The following NREP variants were observed in gnomAD, a reference collection of about 807,000 sequenced individuals.
NREP encodes neuronal regeneration-related protein.
NREP carries 5 observed loss-of-function variants against 8.6 expected under a neutral mutation model. That is an observed-to-expected ratio of 0.58 (90% CI 0.30 to 1.22). NREP has a LOEUF of 1.22. Among genes scored for constraint, NREP ranks in the 50% most tolerant of loss-of-function variants. NREP has a pLI of 0.07. For synonymous variants in NREP, 27 were observed against 28.0 expected, an observed-to-expected ratio of 0.96 and a Z score of 0.11; for missense variants, 86 against 82.5, an observed-to-expected ratio of 1.04 and a Z score of -0.17.
intron 3 of NREP, chr5:111,731,711 AGACT>A (rs1325128283): frequency 1.3e-5 from 2 of 152,284 alleles, no homozygotes; most frequent in African/African-American, 4.8e-5. Context: ...CAGCTCATCT[AGACT>A]GACTGGGGCT....
At chr5:111,848,974 G>A (rs1453015400) in intron 2 of NREP, among the ~76,000 whole-genome samples, 1 of 152,002 alleles carries the variant, frequency 6.6e-6, no homozygotes, top group Non-Finnish European at 1.5e-5. Context: ...AATAGTTTTG[G>A]ATCTCATACT....
intron 2 of NREP, among the ~76,000 whole-genome samples, chr5:111,814,522 G>GGTCTAC (rs1177406274): frequency 4.6e-5 from 7 of 152,112 alleles, no homozygotes; most frequent in African/African-American, 1.2e-4. Flanking sequence ...TTGAGAAACA[G>GGTCTAC]TAGGATTAAA....
At chr5:111,816,506 A>G (rs1752388563) in intron 2 of NREP, among the ~76,000 whole-genome samples, 1 of 152,136 alleles carries the variant, frequency 6.6e-6, no homozygotes, top group Non-Finnish European at 1.5e-5. Flanking sequence ...TTATTGTCTG[A>G]GAAGTACTAA....
At chr5:111,748,887 G>A (rs1347898253) in intron 2 of NREP, among the ~76,000 whole-genome samples, 2 of 152,108 alleles carry the variant, frequency 1.3e-5, no homozygotes, top group African/African-American at 2.4e-5. Context: ...AAATAAGCCA[G>A]CCGCAAGAAG....
In NREP at chr5:111,861,367, G is replaced by T. The variant is rs4957622; in HGVS notation, c.135+113907C>A. On this transcript the variant is annotated intron_variant, in intron 2 of 3. Coordinates refer to the NREP transcript ENST00000395634. ...TAGTGACTCTGGTGGCTACTGATAC[G>T]CCAGGGAAAAGAAGGTGCTAAAGGC... Among the ~76,000 whole-genome samples, 1,101 of 152,234 alleles carry T rather than the reference G, an allele frequency of 7.2e-3. 10 individuals are homozygous for T. The highest frequency in any genetic ancestry group is 9.7e-3 in the Admixed American group (149 of 15,286).
intron 2 of NREP, among the ~76,000 whole-genome samples, chr5:111,958,016 T>C (rs1333727516): frequency 6.6e-6 from 1 of 151,898 alleles, no homozygotes; most frequent in Non-Finnish European, 1.5e-5. Flanking sequence ...AAGGAGAACA[T>C]GCTAAAGTGA....
intron 2 of NREP, among the ~76,000 whole-genome samples, chr5:111,813,451 A>C (rs1752313964): frequency 1.3e-5 from 2 of 152,202 alleles, no homozygotes; most frequent in Non-Finnish European, 2.9e-5. Context: ...TTATATTCTA[A>C]CCTGTCTTAT....
intron 2 of NREP, among the ~76,000 whole-genome samples, chr5:111,894,979 A>G (rs983628396): frequency 1.3e-5 from 2 of 152,244 alleles, no homozygotes; most frequent in African/African-American, 2.4e-5. Context: ...CTGTTTAGAG[A>G]GCTCTTAGAA....
At chr5:111,750,155 G>A (rs1750264093) in intron 2 of NREP, among the ~76,000 whole-genome samples, 1 of 152,064 alleles carries the variant, frequency 6.6e-6, no homozygotes, top group African/African-American at 2.4e-5. Flanking sequence ...TAAACAAGGA[G>A]GAAGATCTCC....
chr5:111,927,697 T>A (rs990960038), intron 2 of NREP, among the ~76,000 whole-genome samples: 1 of 152,206 alleles, frequency 6.6e-6, no homozygotes, highest in Non-Finnish European at 1.5e-5. Flanking sequence ...TGTAGGTTCA[T>A]AAGCTCTAAT....
At chr5:111,840,379 T>G (rs1753000719) in intron 2 of NREP, among the ~76,000 whole-genome samples, 1 of 152,112 alleles carries the variant, frequency 6.6e-6, no homozygotes, top group Non-Finnish European at 1.5e-5. Context: ...GTATGTAAAT[T>G]TAAGGACTAC....
At chr5:111,851,011 G>A (rs1483331359) in intron 2 of NREP, among the ~76,000 whole-genome samples, 1 of 152,080 alleles carries the variant, frequency 6.6e-6, no homozygotes, top group East Asian at 1.9e-4. Context: ...GTTATTGTTA[G>A]GCTCAAATAA....
intron 2 of NREP, among the ~76,000 whole-genome samples, chr5:111,736,723 C>T (rs1430724195): frequency 6.6e-6 from 1 of 152,176 alleles, no homozygotes; most frequent in African/African-American, 2.4e-5. Flanking sequence ...TGTAGCACAT[C>T]CTAGCTTACA....
At chr5:111,926,146 A>G (rs964666306) in intron 2 of NREP, among the ~76,000 whole-genome samples, 68 of 152,124 alleles carry the variant, frequency 4.5e-4, no homozygotes, top group African/African-American at 1.5e-3. Flanking sequence ...TTCAATGAGA[A>G]GGGAACCTGA....
intron 2 of NREP, among the ~76,000 whole-genome samples, chr5:111,957,731 G>A (rs529266681): frequency 1.7e-3 from 253 of 151,626 alleles, no homozygotes; most frequent in Middle Eastern, 0.01. Context: ...ATATATATCT[G>A]TAATTTTATA....
chr5:111,874,197 C>CAT (rs113364175), intron 2 of NREP, among the ~76,000 whole-genome samples: 21,864 of 151,962 alleles, frequency 0.14, 3,044 homozygotes, highest in African/African-American at 0.36. Context: ...AAATATAAGA[C>CAT]GTGTTTTAAA....
At chr5:111,774,880 T>C (rs969255233) in intron 2 of NREP, among the ~76,000 whole-genome samples, 44 of 152,120 alleles carry the variant, frequency 2.9e-4, no homozygotes, top group African/African-American at 9.9e-4. Flanking sequence ...AAAGTATGGG[T>C]GTTGTCTTTA....
intron 2 of NREP, among the ~76,000 whole-genome samples, chr5:111,886,284 AC>A (rs1427388165): frequency 2.0e-5 from 3 of 152,200 alleles, no homozygotes; most frequent in African/African-American, 7.2e-5. Context: ...ACCATCTCAC[AC>A]CAGTTAGAAT....
chr5:111,731,906 G>A (rs937540115), intron 3 of NREP: 1 of 152,376 alleles, frequency 6.6e-6, no homozygotes, highest in Non-Finnish European at 1.5e-5. Context: ...GCACAGTGAA[G>A]CACACCTGCC....
Sources: allele counts gnomAD v4.1 joint callset (sites outside exome capture counted in the v4.1 genomes callset), GRCh38; gene constraint gnomAD v4.1.1; transcripts MANE v1.5; gene names NCBI Gene and HGNC (gene_info 2026-07-23, HGNC 2026-07-21).